The following GLI3 variants were observed in gnomAD, a reference collection of about 807,000 sequenced individuals.
The protein encoded by GLI3 is GLI family zinc finger 3, also known as transcription activator GLI3.
A neutral mutation model predicts 100.8 loss-of-function variants in GLI3; 20 were observed. The observed-to-expected ratio is 0.20, with a 90% CI of 0.14 to 0.29. The LOEUF is 0.29. Ranked by LOEUF, GLI3 falls within the 10% of genes least tolerant of loss-of-function variation. The probability of loss-of-function intolerance (pLI) is 1.00; values close to 1 mark genes in which losing one functional copy is unlikely to be tolerated. For missense variants in GLI3, 2,040 were observed against 2,128.5 expected, an observed-to-expected ratio of 0.96 and a Z score of 0.82; for synonymous variants, 938 against 860.5, an observed-to-expected ratio of 1.09 and a Z score of -1.58.
chr7:41,977,327 T>C lies in GLI3; in HGVS notation c.1812+231A>G, dbSNP rs149425120. ...TTCAAAACAACATGAAACTAGTAAG[T>C]TCGCAGGGGTTTTAAGAAGTTTCCT... On this transcript the variant is annotated intron_variant, in intron 12 of 14. Coordinates refer to ENST00000395925, the MANE Select transcript of GLI3 (RefSeq NM_000168.6). Among the ~76,000 whole-genome samples, 187 of 152,266 alleles carry C rather than the reference T, an allele frequency of 1.2e-3. 1 individual carries two copies. Among genetic ancestry groups the C allele is most frequent in the African/African-American group, 4.4e-3 (182 of 41,564 alleles).
At chr7:42,066,644 C>G (rs1356624633) in intron 4 of GLI3, among the ~76,000 whole-genome samples, 2 of 152,166 alleles carry the variant, frequency 1.3e-5, no homozygotes, top group African/African-American at 2.4e-5. Flanking sequence ...TTTGAAAATT[C>G]TCTCTCACAA....
At chr7:42,158,691 A>G (rs1405630650) in intron 2 of GLI3, among the ~76,000 whole-genome samples, 2 of 152,012 alleles carry the variant, frequency 1.3e-5, no homozygotes, top group South Asian at 4.2e-4. Context: ...GGATTTCACA[A>G]TGTTGGCCAG....
intron 3 of GLI3, among the ~76,000 whole-genome samples, chr7:42,143,961 A>G (rs748112286): frequency 2.0e-5 from 3 of 152,210 alleles, no homozygotes; most frequent in Non-Finnish European, 2.9e-5. Flanking sequence ...TGACATGACT[A>G]GTGAATCCGA....
chr7:42,081,261 T>C (rs1784991681), intron 3 of GLI3, among the ~76,000 whole-genome samples: 1 of 152,066 alleles, frequency 6.6e-6, no homozygotes, highest in South Asian at 2.1e-4. Context: ...TGGGGGCGGG[T>C]CTGTGGAGCA....
At chr7:42,143,849 C>T (rs1275424605) in intron 3 of GLI3, among the ~76,000 whole-genome samples, 3 of 152,154 alleles carry the variant, frequency 2.0e-5, no homozygotes, top group African/African-American at 7.2e-5. Flanking sequence ...AGAAGAAAAG[C>T]AGCCTTCACA....
intron 3 of GLI3, among the ~76,000 whole-genome samples, chr7:42,079,437 C>T (rs1012561571): frequency 6.6e-5 from 10 of 152,096 alleles, no homozygotes; most frequent in African/African-American, 1.7e-4. Flanking sequence ...GATTCAAATC[C>T]GGGTGAGGGT....
rs1195576395 is a variant in GLI3 at position 41,965,355 on chromosome 7, T to C, written c.3718A>G (p.Ser1240Gly). 1.9e-6 allele frequency: 3 copies of C among 1,613,528 alleles called. No individual in the cohort carries two copies. The highest frequency in any genetic ancestry group is 2.5e-6 in the Non-Finnish European group (3 of 1,179,748). ...GGCTGTTCATGGAAGGCGTTTCCAC[T>C]GGTGCCACTTCCGGGGCTGTTGTGG... ...MLHNSPGSGT[S>G]GNAFHEQPCK... The change falls in exon 15 of 15, where the codon AGT becomes GGT. Residue 1240 changes from serine (S) to glycine (G), a missense_variant. Transcript: ENST00000395925.
At chr7:42,063,263 T>C (rs1253766949) in intron 4 of GLI3, among the ~76,000 whole-genome samples, 1 of 152,132 alleles carries the variant, frequency 6.6e-6, no homozygotes, top group Non-Finnish European at 1.5e-5. Flanking sequence ...ATCTTGACAA[T>C]GAATCAATTT....
intron 4 of GLI3, among the ~76,000 whole-genome samples, chr7:42,048,959 G>A (rs1784300712): frequency 6.6e-6 from 1 of 152,054 alleles, no homozygotes; most frequent in Non-Finnish European, 1.5e-5. Context: ...TAAAATAAAG[G>A]TCAACCTATG....
intron 7 of GLI3, among the ~76,000 whole-genome samples, chr7:42,027,035 G>A (rs1025417001): frequency 6.6e-6 from 1 of 152,188 alleles, no homozygotes; most frequent in Admixed American, 6.5e-5. Context: ...TTCGATGGAG[G>A]AATATTCCAG....
intron 1 of GLI3, among the ~76,000 whole-genome samples, chr7:42,258,773 G>A (rs138645893): frequency 4.3e-4 from 65 of 152,214 alleles, no homozygotes; most frequent in South Asian, 2.1e-3. Flanking sequence ...TCCCATTCAC[G>A]AGATCTCTGC....
intron 14 of GLI3, among the ~76,000 whole-genome samples, 185 bp downstream of exon 14, chr7:41,967,411 T>C (rs966250485): frequency 2.0e-5 from 3 of 152,166 alleles, no homozygotes; most frequent in Admixed American, 1.3e-4. Context: ...TATTATCCTG[T>C]TCCTAGCTGT....
chr7:41,965,450 C>T lies in GLI3; in HGVS notation c.3623G>A (p.Gly1208Glu). ...VVHPQNPLRS[G>E]PAGGYQTLGE... ...GAGGGTCTGATAGCCCCCAGCAGGC[C>T]CGCTCCTCAAGGGGTTCTGCGGGTG... The change falls in exon 15 of 15, where the codon GGG becomes GAG. Residue 1208 changes from glycine to glutamate, a missense_variant. This residue lies in a region of GLI3 where 1,041 missense variants were observed against 924.0 expected (regional missense o/e 1.13). Coordinates refer to ENST00000395925, the MANE Select transcript of GLI3 (RefSeq NM_000168.6). 6.2e-7 allele frequency: 1 copy of T among 1,608,184 alleles called. No homozygotes were observed. Among genetic ancestry groups the T allele is most frequent in the Non-Finnish European group, 8.5e-7 (1 of 1,177,124 alleles).
At chr7:42,184,350 C>A (rs1037310905) in intron 2 of GLI3, among the ~76,000 whole-genome samples, 1 of 152,204 alleles carries the variant, frequency 6.6e-6, no homozygotes. Flanking sequence ...TGTGGCTGCA[C>A]CTTCAGGTGT....
upstream of GLI3, among the ~76,000 whole-genome samples, chr7:42,240,126 T>C (rs536895221): frequency 6.6e-6 from 1 of 152,354 alleles, no homozygotes; most frequent in South Asian, 2.1e-4. Flanking sequence ...TTTGTAGTGA[T>C]ACACAGCACT....
At chr7:42,218,052 C>T (rs1788412017) in intron 2 of GLI3, among the ~76,000 whole-genome samples, 1 of 152,174 alleles carries the variant, frequency 6.6e-6, no homozygotes, top group Non-Finnish European at 1.5e-5. Context: ...GTTGCCAGAA[C>T]TCAAACCAAG....
At chr7:41,999,959 G>A (rs1326921275) in intron 10 of GLI3, among the ~76,000 whole-genome samples, 1 of 152,162 alleles carries the variant, frequency 6.6e-6, no homozygotes, top group Non-Finnish European at 1.5e-5. Context: ...ATGACATGCT[G>A]TACTAACTAG....
At chr7:42,195,818 C>T (rs1787917392) in intron 2 of GLI3, among the ~76,000 whole-genome samples, 1 of 152,194 alleles carries the variant, frequency 6.6e-6, no homozygotes, top group Non-Finnish European at 1.5e-5. Context: ...GGTGGATGGA[C>T]AGATGAGTAA....
At chr7:42,195,333 G>A (rs973045131) in intron 2 of GLI3, among the ~76,000 whole-genome samples, 1 of 152,130 alleles carries the variant, frequency 6.6e-6, no homozygotes, top group African/African-American at 2.4e-5. Context: ...AGCCAGCTTC[G>A]TCAAAACATA....
Sources: gnomAD v4.1 joint callset for allele counts (sites outside exome capture counted in the v4.1 genomes callset) on GRCh38, gnomAD v4.1.1 for gene constraint, gnomAD v4.1.1 regional missense constraint, MANE v1.5 for transcripts, NCBI Gene and HGNC (gene_info 2026-07-23, HGNC 2026-07-21) for gene names.